LARGE1: variants seen among roughly 807,000 people sequenced by gnomAD.
The protein encoded by LARGE1 is xylosyl- and glucuronyltransferase LARGE1.
LARGE1 carries 43 observed loss-of-function variants against 87.6 expected under a neutral mutation model. That is an observed-to-expected ratio of 0.49 (90% confidence interval 0.38 to 0.63). The LOEUF (loss-of-function observed/expected upper bound fraction) is 0.63, where lower values mean the gene tolerates loss of function less well. LARGE1 is among the 30% of genes least tolerant of loss of function. The pLI is 0.00. For synonymous variants in LARGE1, 434 were observed against 394.6 expected, an observed-to-expected ratio of 1.10 and a Z score of -1.18; for missense variants, 802 against 1,000.2, an observed-to-expected ratio of 0.80 and a Z score of 2.67.
chr22:33,860,873 G>A (rs182223011), intron 1 of LARGE1, among the ~76,000 whole-genome samples: 121 of 152,266 alleles, frequency 7.9e-4, no homozygotes, highest in Non-Finnish European at 1.4e-3. Flanking sequence ...CACCGTGGGC[G>A]CAGCCAGCCT....
At chr22:33,816,733 C>CAGACAGACAGATAGAT (rs763136582) in intron 1 of LARGE1, among the ~76,000 whole-genome samples, 1 of 150,010 alleles carries the variant, frequency 6.7e-6, no homozygotes, top group African/African-American at 2.5e-5. Flanking sequence ...GACAGACAGA[C>CAGACAGACAGATAGAT]AGATACAGAA....
At chr22:33,538,460 T>C (rs919440096) in intron 6 of LARGE1, among the ~76,000 whole-genome samples, 5 of 152,184 alleles carry the variant, frequency 3.3e-5, no homozygotes, top group South Asian at 2.1e-4. Context: ...CTGAGCTGAA[T>C]TGAAGCTAGT....
At chr22:33,467,919 G>T (rs569119673) in intron 6 of LARGE1, among the ~76,000 whole-genome samples, 1 of 152,310 alleles carries the variant, frequency 6.6e-6, no homozygotes, top group South Asian at 2.1e-4. Context: ...TGGAGTGCCT[G>T]ACCAAGCTTC....
At chr22:33,742,013 T>C (rs1459548403) in intron 2 of LARGE1, among the ~76,000 whole-genome samples, 2 of 152,174 alleles carry the variant, frequency 1.3e-5, no homozygotes, top group Admixed American at 6.5e-5. Flanking sequence ...GTTTCTGCAG[T>C]TCATTTAACC....
intron 2 of LARGE1, among the ~76,000 whole-genome samples, chr22:33,723,062 T>C (rs181886672): frequency 6.6e-4 from 100 of 152,232 alleles, no homozygotes; most frequent in African/African-American, 2.3e-3. Context: ...GGCACAGCCT[T>C]TGAGGAAGAT....
intron 1 of LARGE1, among the ~76,000 whole-genome samples, chr22:33,763,680 T>C (rs1434764423): frequency 6.6e-6 from 1 of 152,132 alleles, no homozygotes; most frequent in Non-Finnish European, 1.5e-5. Context: ...AGCTTCCTTA[T>C]TCATCTATAA....
intron 1 of LARGE1, among the ~76,000 whole-genome samples, chr22:33,776,802 A>G (rs184439812): frequency 6.6e-6 from 1 of 152,250 alleles, no homozygotes; most frequent in East Asian, 1.9e-4. Context: ...TTTCATACAA[A>G]TATCTCTGGT....
intron 6 of LARGE1, among the ~76,000 whole-genome samples, chr22:33,553,853 T>A (rs529673103): frequency 6.6e-6 from 1 of 152,182 alleles, no homozygotes; most frequent in African/African-American, 2.4e-5. Flanking sequence ...TCCTCCCCCT[T>A]GGTGAGGAGC....
the LARGE1 span, among the ~76,000 whole-genome samples, chr22:33,131,975 C>T: frequency 6.6e-6 from 1 of 151,692 alleles, no homozygotes; most frequent in African/African-American, 2.4e-5. Context: ...GAAAAACTCC[C>T]GTTTTTAAAA....
At chr22:33,307,639 G>A (rs538315464) in intron 11 of LARGE1, among the ~76,000 whole-genome samples, 9 of 152,248 alleles carry the variant, frequency 5.9e-5, no homozygotes, top group African/African-American at 1.9e-4. Flanking sequence ...CAGATAAGGG[G>A]CCTGGGCACC....
chr22:33,245,866 G>A (rs922474017), intron 11 of LARGE1, among the ~76,000 whole-genome samples: 14 of 152,112 alleles, frequency 9.2e-5, no homozygotes, highest in South Asian at 4.1e-4. Context: ...CTGAGATTGC[G>A]CCACTGCACT....
chr22:33,600,407 A>G (rs1339477769), intron 5 of LARGE1, among the ~76,000 whole-genome samples: 1 of 152,212 alleles, frequency 6.6e-6, no homozygotes, highest in Non-Finnish European at 1.5e-5. Flanking sequence ...ATAGACATCT[A>G]TTAGCTCATC....
intron 11 of LARGE1, among the ~76,000 whole-genome samples, chr22:33,312,524 G>C (rs544342826): frequency 3.3e-5 from 5 of 151,890 alleles, no homozygotes; most frequent in African/African-American, 1.2e-4. Flanking sequence ...CCTGACTCCA[G>C]GGACCAAGTG....
chr22:33,442,091 T>A (rs1419757257), intron 6 of LARGE1, among the ~76,000 whole-genome samples: 2 of 152,162 alleles, frequency 1.3e-5, no homozygotes, highest in East Asian at 1.9e-4. Flanking sequence ...TTAGGCTGAA[T>A]AAGTGAAGAT....
intron 5 of LARGE1, 103 bp downstream of exon 5, chr22:33,604,332 G>A (rs1569305853): frequency 6.8e-7 from 1 of 1,474,942 alleles, no homozygotes. Flanking sequence ...CACATTTTCA[G>A]TTAGGAGCTG....
At chr22:33,125,825 G>A in the LARGE1 span, among the ~76,000 whole-genome samples, 2 of 152,244 alleles carry the variant, frequency 1.3e-5, no homozygotes, top group African/African-American at 2.4e-5. Context: ...TTGACTTGCT[G>A]TAACTTCCGC....
At chr22:33,387,634 C>A (rs148211699) in intron 7 of LARGE1, among the ~76,000 whole-genome samples, 1 of 151,964 alleles carries the variant, frequency 6.6e-6, no homozygotes, top group African/African-American at 2.4e-5. Flanking sequence ...GGTGACCAAG[C>A]TGAGAACTGA....
intron 6 of LARGE1, among the ~76,000 whole-genome samples, chr22:33,494,790 T>C (rs1017022748): frequency 1.3e-5 from 2 of 152,212 alleles, no homozygotes; most frequent in Non-Finnish European, 1.5e-5. Flanking sequence ...GTTTTCTCCT[T>C]TGCCAGTGCT....
intron 6 of LARGE1, among the ~76,000 whole-genome samples, chr22:33,464,882 T>G (rs971453518): frequency 8.8e-6 from 1 of 113,282 alleles, no homozygotes; most frequent in Non-Finnish European, 1.7e-5. Context: ...TGCACACACA[T>G]GCACACACAT....
Sources: allele counts gnomAD v4.1 joint callset (sites outside exome capture counted in the v4.1 genomes callset), GRCh38; gene constraint gnomAD v4.1.1; transcripts MANE v1.5; gene names NCBI Gene and HGNC (gene_info 2026-07-23, HGNC 2026-07-21).